SYNPR: variants seen among roughly 807,000 people sequenced by gnomAD.
SYNPR encodes the protein synaptoporin.
A neutral mutation model predicts 32.9 loss-of-function variants in SYNPR; 23 were observed. The ratio of observed to expected loss-of-function variants is 0.70; its 90% CI spans 0.50 to 0.99. The LOEUF is 0.99. Among genes scored for constraint, SYNPR ranks in the 50% least tolerant of loss-of-function variants. SYNPR has a pLI of 0.00. For missense variants in SYNPR, 318 were observed against 349.3 expected, an observed-to-expected ratio of 0.91 and a Z score of 0.71; for synonymous variants, 146 against 135.9, an observed-to-expected ratio of 1.07 and a Z score of -0.52.
intron 3 of SYNPR, among the ~76,000 whole-genome samples, chr3:63,553,790 C>T (rs914037576): frequency 3.3e-5 from 5 of 152,266 alleles, no homozygotes; most frequent in Admixed American, 3.3e-4. Flanking sequence ...GGCGCGATCT[C>T]GGCTCATCGC....
the SYNPR span, among the ~76,000 whole-genome samples, chr3:63,206,340 C>T: frequency 2.6e-5 from 4 of 152,124 alleles, no homozygotes; most frequent in African/African-American, 4.8e-5. Flanking sequence ...AGGCTGGGCA[C>T]AGTGGCTTAC....
At chr3:63,455,758 T>G (rs2218866) in intron 2 of SYNPR, among the ~76,000 whole-genome samples, 5,812 of 146,110 alleles carry the variant, frequency 0.04, 148 homozygotes, top group Non-Finnish European at 0.059. Context: ...ATGTTTGGGG[T>G]GTGTGTGTGT....
chr3:63,277,335 C>G (rs898141675), upstream of SYNPR, among the ~76,000 whole-genome samples: 3 of 152,090 alleles, frequency 2.0e-5, no homozygotes, highest in African/African-American at 7.2e-5. Flanking sequence ...ATAGAAAGAA[C>G]TCACTTGTTT....
chr3:63,392,844 C>T (rs549701825), intron 2 of SYNPR, among the ~76,000 whole-genome samples: 34 of 152,204 alleles, frequency 2.2e-4, no homozygotes, highest in Non-Finnish European at 4.1e-4. Context: ...AAAAAAACTG[C>T]ACTGAAGGCT....
At chr3:63,288,989 T>C (rs558407306) in intron 2 of SYNPR, among the ~76,000 whole-genome samples, 2 of 152,342 alleles carry the variant, frequency 1.3e-5, no homozygotes, top group South Asian at 2.1e-4. Flanking sequence ...CAGAGCAGAT[T>C]GCATAAATCA....
chr3:63,494,428 T>TAC (rs1575674382), intron 3 of SYNPR, among the ~76,000 whole-genome samples: 11 of 134,928 alleles, frequency 8.2e-5, no homozygotes, highest in Non-Finnish European at 1.7e-4. Flanking sequence ...CGTATATATA[T>TAC]ATATACGTAT....
chr3:63,588,473 C>T (rs1703232987), intron 4 of SYNPR, among the ~76,000 whole-genome samples: 5 of 151,988 alleles, frequency 3.3e-5, no homozygotes, highest in Admixed American at 3.3e-4. Flanking sequence ...TGTTAATTAA[C>T]TAAATCTTAG....
At chr3:63,595,755 ATATATATATATATAATTT>A (rs1699934392) in intron 4 of SYNPR, among the ~76,000 whole-genome samples, 1 of 32,278 alleles carries the variant, frequency 3.1e-5, no homozygotes, top group African/African-American at 2.1e-4. Flanking sequence ...ATATATATAT[ATATATATATATATAATTT>A]TATATATATA....
intron 2 of SYNPR, among the ~76,000 whole-genome samples, chr3:63,320,312 G>A (rs2087097629): frequency 1.3e-5 from 2 of 152,112 alleles, no homozygotes; most frequent in Admixed American, 1.3e-4. Flanking sequence ...GCATCAATGG[G>A]AAGTCAGCAT....
chr3:63,221,282 G>T, the SYNPR span, among the ~76,000 whole-genome samples: 4 of 152,218 alleles, frequency 2.6e-5, no homozygotes, highest in East Asian at 7.7e-4. Context: ...CCTAGGGAAA[G>T]AATATATAAA....
Position 63,404,921 on chromosome 3 carries a change from C to T in SYNPR, c.85-75911C>T, listed in dbSNP as rs536237659. On this transcript the variant is annotated intron_variant, in intron 2 of 5. Transcript: ENST00000478300. ...AAGTCTACAGAAGGGAGTGGCATTG[C>T]ACTAACTCTATGTAGTCAGAAATTA... is the stretch of plus-strand genomic sequence containing the variant. Among the ~76,000 whole-genome samples the T allele has an allele frequency of 1.0e-3, 155 of 152,274 alleles. No individual in the cohort carries two copies. In the Middle Eastern group the frequency reaches 0.01, roughly 10 times the overall value.
Position 63,615,821 on chromosome 3 carries a change from T to C in SYNPR, c.*340T>C, listed in dbSNP as rs1371188250. The C allele has an allele frequency of 5.6e-6, 1 of 178,796 alleles. No individual in the cohort carries two copies. Among genetic ancestry groups the C allele is most frequent in the African/African-American group, 2.4e-5 (1 of 42,450 alleles). 11.1% of individuals were successfully genotyped at this position (178,796 alleles called of 1,614,324 possible). On this transcript the variant is annotated 3_prime_UTR_variant, in exon 6 of 6. Coordinates refer to ENST00000478300, the MANE Select transcript of SYNPR (RefSeq NM_001130003.2). ...TGTAATATGCATAAAGTAAATCAAA[T>C]AGCGTTGAGTTTTCTTATGCATTTT...
At chr3:63,490,975 G>T (rs1701247964) in intron 3 of SYNPR, among the ~76,000 whole-genome samples, 1 of 152,068 alleles carries the variant, frequency 6.6e-6, no homozygotes, top group African/African-American at 2.4e-5. Context: ...TGTTGGCAAG[G>T]CTGGTCTTGA....
intron 2 of SYNPR, among the ~76,000 whole-genome samples, chr3:63,455,390 T>G (rs1353870908): frequency 6.6e-6 from 1 of 152,156 alleles, no homozygotes; most frequent in Non-Finnish European, 1.5e-5. Flanking sequence ...CTGTTCAAAC[T>G]CTACTTGGAA....
At chr3:63,418,274 G>A (rs2088566658) in intron 2 of SYNPR, among the ~76,000 whole-genome samples, 1 of 152,112 alleles carries the variant, frequency 6.6e-6, no homozygotes, top group Non-Finnish European at 1.5e-5. Context: ...TTCCTAACAA[G>A]TTCCTCATCT....
At chr3:63,247,075 G>GA (rs71992263) in intron 1 of SYNPR, among the ~76,000 whole-genome samples, 31 of 148,278 alleles carry the variant, frequency 2.1e-4, no homozygotes, top group South Asian at 8.5e-4. Flanking sequence ...TTAGAAGTTG[G>GA]AAAAAAAAAA....
At chr3:63,541,391 A>G (rs1702299806) in intron 3 of SYNPR, among the ~76,000 whole-genome samples, 1 of 152,010 alleles carries the variant, frequency 6.6e-6, no homozygotes, top group Non-Finnish European at 1.5e-5. Context: ...ATAAGACTCA[A>G]CCAACCACAG....
intron 2 of SYNPR, among the ~76,000 whole-genome samples, chr3:63,456,245 A>G (rs963010150): frequency 6.6e-6 from 1 of 152,116 alleles, no homozygotes; most frequent in Admixed American, 6.6e-5. Context: ...GCCAAATCAT[A>G]TCACCTCCCT....
intron 4 of SYNPR, among the ~76,000 whole-genome samples, chr3:63,602,525 T>C (rs1439899200): frequency 6.6e-6 from 1 of 152,126 alleles, no homozygotes; most frequent in African/African-American, 2.4e-5. Context: ...TTTTTGTATA[T>C]GGTGTAAGAA....
Sources: gnomAD v4.1 joint callset for allele counts (sites outside exome capture counted in the v4.1 genomes callset) on GRCh38, gnomAD v4.1.1 for gene constraint, MANE v1.5 for transcripts, NCBI Gene and HGNC (gene_info 2026-07-23, HGNC 2026-07-21) for gene names.